Variants in TMEM108 observed in about 807,000 individuals in gnomAD.
TMEM108 encodes the protein transmembrane protein 108.
In TMEM108, 12 loss-of-function variants were observed where a neutral mutation model predicts 35.1. That is an observed-to-expected ratio of 0.34 (90% confidence interval 0.22 to 0.55). The LOEUF is 0.55. Among genes scored for constraint, TMEM108 ranks in the 20% least tolerant of loss-of-function variants. The probability of loss-of-function intolerance (pLI) is 0.89; values close to 1 mark genes in which losing one functional copy is unlikely to be tolerated. For synonymous variants in TMEM108, 287 were observed against 308.6 expected (o/e 0.93, Z 0.73); for missense variants, 680 against 753.3 (o/e 0.90, Z 1.14).
chr3:133,361,420 A>G (rs1480545579), intron 3 of TMEM108, among the ~76,000 whole-genome samples: 1 of 152,256 alleles, frequency 6.6e-6, no homozygotes, highest in Admixed American at 6.5e-5. Context: ...AAAGGTTATC[A>G]TGTGGGTTTA....
chr3:133,181,026 A>AC lies in TMEM108; in HGVS notation c.-46-48240_-46-48239insC, dbSNP rs1559859772. ...GTTGTGTTAAAAAAAAAAAAAAAAA[A>AC]AAAAAAAAAAAACAGCACTCCCAAA... On this transcript the variant is annotated intron_variant, in intron 2 of 5. Coordinates refer to ENST00000321871, the MANE Select transcript of TMEM108 (RefSeq NM_023943.4). Among the ~76,000 whole-genome samples, 433 of 145,384 alleles carry AC rather than the reference A, an allele frequency of 3.0e-3. 4 individuals carry two copies. The highest frequency in any genetic ancestry group is 0.011 in the African/African-American group (402 of 36,700).
At chr3:133,209,850 G>C (rs1191390396) in intron 2 of TMEM108, among the ~76,000 whole-genome samples, 1 of 152,020 alleles carries the variant, frequency 6.6e-6, no homozygotes, top group East Asian at 1.9e-4. Context: ...TCTGGGGGTG[G>C]CTTCCCACAC....
chr3:133,216,630 T>C (rs944782292), intron 2 of TMEM108, among the ~76,000 whole-genome samples: 2 of 152,156 alleles, frequency 1.3e-5, no homozygotes, highest in African/African-American at 4.8e-5. Flanking sequence ...ACCACCGTTC[T>C]ACTCTGCTTC....
At chr3:133,087,159 C>G (rs1943894498) in intron 2 of TMEM108, among the ~76,000 whole-genome samples, 1 of 152,146 alleles carries the variant, frequency 6.6e-6, no homozygotes, top group African/African-American at 2.4e-5. Flanking sequence ...CTGGGCTCCT[C>G]CCTTGTCATG....
chr3:133,316,245 T>G (rs2071197166), intron 3 of TMEM108, among the ~76,000 whole-genome samples: 1 of 152,196 alleles, frequency 6.6e-6, no homozygotes, highest in Admixed American at 6.5e-5. Flanking sequence ...TTAGGTTGAG[T>G]GATTCCCTTT....
At chr3:133,129,348 A>AC (rs61441972) in intron 2 of TMEM108, among the ~76,000 whole-genome samples, 1,973 of 101,672 alleles carry the variant, frequency 0.019, 21 homozygotes, top group African/African-American at 0.023. Flanking sequence ...CCGCACCCAC[A>AC]CCCCCCCCCC....
intron 3 of TMEM108, among the ~76,000 whole-genome samples, chr3:133,333,626 G>C (rs2071430660): frequency 1.3e-5 from 2 of 152,184 alleles, no homozygotes; most frequent in African/African-American, 2.4e-5. Context: ...AGAAAAGAGA[G>C]CTAACCTTTG....
chr3:133,212,724 G>C (rs977184657), intron 2 of TMEM108, among the ~76,000 whole-genome samples: 1 of 151,912 alleles, frequency 6.6e-6, no homozygotes, highest in Non-Finnish European at 1.5e-5. Flanking sequence ...AAATCAGTCA[G>C]ATATTGTGGT....
chr3:133,329,517 A>G lies in TMEM108; in HGVS notation c.41-50235A>G, dbSNP rs371745504. ...AGCTCCAGTGAAAAGGAAGGGGGAA[A>G]TCCTGGGAGTGGAAGAAACCCAACC... On this transcript the variant is annotated intron_variant, in intron 3 of 5. Transcript: ENST00000321871. 2.2e-4 allele frequency among the ~76,000 whole-genome samples: 33 copies of G among 152,244 alleles called. No homozygotes were observed. In the South Asian group the frequency reaches 6.2e-3, roughly 29 times the overall value.
chr3:133,039,885 A>G (rs758490390), intron 1 of TMEM108, among the ~76,000 whole-genome samples: 3 of 152,172 alleles, frequency 2.0e-5, no homozygotes, highest in African/African-American at 4.8e-5. Context: ...TCAAACCTCT[A>G]AAACACACCC....
intron 2 of TMEM108, among the ~76,000 whole-genome samples, chr3:133,047,147 G>A (rs143825294): frequency 9.8e-5 from 15 of 152,328 alleles, no homozygotes; most frequent in African/African-American, 3.4e-4. Flanking sequence ...TACGTCAGCA[G>A]AAGAGTCCAG....
intron 3 of TMEM108, chr3:133,378,541 A>C (rs2072910495): frequency 1.0e-6 from 1 of 985,364 alleles, no homozygotes; most frequent in African/African-American, 1.7e-5. Flanking sequence ...ATCCATGAAC[A>C]AGGAGGTGCT....
At chr3:133,041,710 A>ATGG (rs1943278518) in intron 1 of TMEM108, 1 of 151,754 alleles carries the variant, frequency 6.6e-6, no homozygotes, top group African/African-American at 2.4e-5. Context: ...CGGCATATGT[A>ATGG]TTGGTTAATT....
rs1559830217 is a variant in TMEM108, at chr3:133,093,927, CTGCCACT to C, written c.-47+47911_-47+47917del. Among the ~76,000 whole-genome samples, 7 of 152,218 alleles carry C rather than the reference CTGCCACT, an allele frequency of 4.6e-5. No individual in the cohort carries two copies. The South Asian group carries it at 1.5e-3, about 32-fold the overall frequency. On this transcript the variant is annotated intron_variant, in intron 2 of 5. Transcript: ENST00000321871. ...ATTCAACCCCCGGCCACCTAGGAAC[CTGCCACT>C]TGCATTTATAACATCAGTCATGACA...
At chr3:133,247,131 T>G (rs1435697976) in intron 3 of TMEM108, 1 of 152,170 alleles carries the variant, frequency 6.6e-6, no homozygotes, top group Non-Finnish European at 1.5e-5. Flanking sequence ...TCACAATAAT[T>G]TGCAGGTAGT....
chr3:133,117,579 G>C (rs950519854), intron 2 of TMEM108, among the ~76,000 whole-genome samples: 2 of 152,174 alleles, frequency 1.3e-5, no homozygotes, highest in Non-Finnish European at 2.9e-5. Flanking sequence ...TGACCTGGCA[G>C]GTTCTTCCTC....
intron 3 of TMEM108, among the ~76,000 whole-genome samples, chr3:133,327,045 A>G (rs538738821): frequency 1.3e-5 from 2 of 152,030 alleles, no homozygotes; most frequent in South Asian, 4.2e-4. Context: ...TTCACTGAAC[A>G]TAGGAACCTA....
chr3:133,074,719 C>A (rs1389985900), intron 2 of TMEM108, among the ~76,000 whole-genome samples: 1 of 152,180 alleles, frequency 6.6e-6, no homozygotes. Flanking sequence ...GAACTCCTGA[C>A]CTCAGGTGAT....
rs973722136 is a variant in TMEM108, at chr3:133,378,424, G to T, written c.41-1328G>T. The stretch of plus-strand genomic sequence containing the variant: ...GTTTGTCCTGCTGGAATCTGATGGA[G>T]GAAAGACGCTCTGAGAGAGTAATTA... On this transcript the variant is annotated intron_variant, in intron 3 of 5. Transcript: ENST00000321871. 4.1e-6 allele frequency: 4 copies of T among 985,390 alleles called. No homozygotes were observed. The African/African-American group carries it at 7.0e-5, about 17-fold the overall frequency. The allele number at this position is 985,390 out of a possible 1,614,324, so 61.0% of individuals were successfully genotyped here.
Sources: gnomAD v4.1 joint callset for allele counts (sites outside exome capture counted in the v4.1 genomes callset) on GRCh38, gnomAD v4.1.1 for gene constraint, MANE v1.5 for transcripts, NCBI Gene and HGNC (gene_info 2026-07-23, HGNC 2026-07-21) for gene names.